Variants in HEMK2 observed in about 807,000 individuals in gnomAD.
The protein encoded by HEMK2 is HemK methyltransferase 2, ETF1 glutamine and histone H4 lysine.
chr21:28,805,993 C>T, the HEMK2 span, among the ~76,000 whole-genome samples: 2 of 152,080 alleles, frequency 1.3e-5, no homozygotes, highest in East Asian at 3.8e-4. Flanking sequence ...ATTTCTTTTC[C>T]CTTGTTTGTT....
chr21:28,879,242 G>A, the HEMK2 span, among the ~76,000 whole-genome samples: 19 of 151,924 alleles, frequency 1.3e-4, no homozygotes, highest in African/African-American at 4.1e-4. Context: ...AAGCCACCAT[G>A]CCTGGCTAAT....
At chr21:28,609,969 G>A in the HEMK2 span, among the ~76,000 whole-genome samples, 3 of 152,204 alleles carry the variant, frequency 2.0e-5, no homozygotes, top group Non-Finnish European at 4.4e-5. Context: ...ATCTGAAGGT[G>A]TGGAAAACAT....
the HEMK2 span, among the ~76,000 whole-genome samples, chr21:28,672,759 G>A: frequency 5.3e-5 from 8 of 152,108 alleles, 1 homozygote; most frequent in East Asian, 3.9e-4. Flanking sequence ...TCTTCTTGAC[G>A]CTGCTCTCTC....
the HEMK2 span, among the ~76,000 whole-genome samples, chr21:28,813,298 T>G: frequency 2.0e-5 from 3 of 152,186 alleles, no homozygotes; most frequent in Admixed American, 6.6e-5. Context: ...AGCATTCCTA[T>G]ACACCAATAA....
the HEMK2 span, among the ~76,000 whole-genome samples, chr21:28,838,515 C>T: frequency 6.7e-6 from 1 of 150,104 alleles, no homozygotes; most frequent in Non-Finnish European, 1.5e-5. Flanking sequence ...GCCTGGGCGA[C>T]AGAGTGAGAC....
At chr21:28,800,154 G>A in the HEMK2 span, among the ~76,000 whole-genome samples, 1 of 152,156 alleles carries the variant, frequency 6.6e-6, no homozygotes, top group Admixed American at 6.5e-5. Flanking sequence ...TCAAAACACT[G>A]TCACCATGAC....
chr21:28,752,050 T>C, the HEMK2 span, among the ~76,000 whole-genome samples: 1 of 152,232 alleles, frequency 6.6e-6, no homozygotes, highest in Non-Finnish European at 1.5e-5. Flanking sequence ...ACCCTTTCAC[T>C]GTCTAAAAAC....
chr21:28,695,961 G>T, the HEMK2 span, among the ~76,000 whole-genome samples: 1 of 151,956 alleles, frequency 6.6e-6, no homozygotes, highest in Non-Finnish European at 1.5e-5. Context: ...ACATACCCGA[G>T]ACTCGGTAAT....
At chr21:28,805,056 T>G in the HEMK2 span, among the ~76,000 whole-genome samples, 3 of 152,198 alleles carry the variant, frequency 2.0e-5, no homozygotes, top group Non-Finnish European at 4.4e-5. Context: ...TACTCTTCAT[T>G]GCAATGTTGT....
chr21:28,592,813 G>A, the HEMK2 span, among the ~76,000 whole-genome samples: 1 of 152,106 alleles, frequency 6.6e-6, no homozygotes, highest in Admixed American at 6.6e-5. Context: ...CTATTCTTGG[G>A]TTTGATTTTA....
At chr21:28,827,037 A>G in the HEMK2 span, among the ~76,000 whole-genome samples, 1 of 152,188 alleles carries the variant, frequency 6.6e-6, no homozygotes, top group Non-Finnish European at 1.5e-5. Context: ...AACCTGGGAG[A>G]AAATGCCAGA....
the HEMK2 span, among the ~76,000 whole-genome samples, chr21:28,750,575 C>T: frequency 0.19 from 29,347 of 151,800 alleles, 3,542 homozygotes; most frequent in African/African-American, 0.34. Context: ...GTGATACACA[C>T]CTGTAATCCC....
At chr21:28,611,425 A>G in the HEMK2 span, among the ~76,000 whole-genome samples, 2 of 152,186 alleles carry the variant, frequency 1.3e-5, no homozygotes, top group Non-Finnish European at 2.9e-5. Flanking sequence ...CCACAGAAAT[A>G]CAAAAGATCA....
the HEMK2 span, among the ~76,000 whole-genome samples, chr21:28,848,136 A>G: frequency 6.6e-6 from 1 of 152,348 alleles, no homozygotes; most frequent in Admixed American, 6.5e-5. Context: ...ATTTTAGAAC[A>G]GTCTTTTCCA....
the HEMK2 span, among the ~76,000 whole-genome samples, chr21:28,805,999 T>C: frequency 6.6e-6 from 1 of 152,226 alleles, no homozygotes; most frequent in African/African-American, 2.4e-5. Flanking sequence ...TTTCCCTTGT[T>C]TGTTTTTGAG....
the HEMK2 span, among the ~76,000 whole-genome samples, chr21:28,822,590 T>TAC: frequency 1.5e-4 from 22 of 151,496 alleles, no homozygotes; most frequent in South Asian, 4.2e-4. Context: ...TATATATATA[T>TAC]ACACATATAT....
At chr21:28,821,294 T>C in the HEMK2 span, among the ~76,000 whole-genome samples, 1 of 152,176 alleles carries the variant, frequency 6.6e-6, no homozygotes, top group Non-Finnish European at 1.5e-5. Flanking sequence ...GGCTCCAGAA[T>C]CGGCAACCTC....
At chr21:28,742,819 A>C in the HEMK2 span, among the ~76,000 whole-genome samples, 1 of 152,168 alleles carries the variant, frequency 6.6e-6, no homozygotes, top group South Asian at 2.1e-4. Context: ...CTATAGACAC[A>C]TATCTATTTA....
chr21:28,576,191 A>C, the HEMK2 span, among the ~76,000 whole-genome samples: 1 of 152,164 alleles, frequency 6.6e-6, no homozygotes, highest in African/African-American at 2.4e-5. Flanking sequence ...TGTTTGTACC[A>C]TTTTATTCCC....
Sources: gnomAD v4.1 joint callset for allele counts (sites outside exome capture counted in the v4.1 genomes callset) on GRCh38, gnomAD v4.1.1 for gene constraint, MANE v1.5 for transcripts, NCBI Gene and HGNC (gene_info 2026-07-23, HGNC 2026-07-21) for gene names.